SH3GL3: variants seen among roughly 807,000 people sequenced by gnomAD.
The protein encoded by SH3GL3 is SH3 domain containing GRB2 like 3, endophilin A3, also known as endophilin-A3.
In SH3GL3, 33 loss-of-function variants were observed where a neutral mutation model predicts 47.7. The ratio of observed to expected loss-of-function variants is 0.69; its 90% CI spans 0.52 to 0.92. The LOEUF (loss-of-function observed/expected upper bound fraction) is 0.92, where lower values mean the gene tolerates loss of function less well. Among genes scored for constraint, SH3GL3 ranks in the 40% least tolerant of loss-of-function variants. The probability of loss-of-function intolerance (pLI) is 0.00; values close to 1 mark genes in which losing one functional copy is unlikely to be tolerated. For synonymous variants in SH3GL3, 155 were observed against 148.8 expected, an observed-to-expected ratio of 1.04 and a Z score of -0.30; for missense variants, 363 against 417.8, an observed-to-expected ratio of 0.87 and a Z score of 1.14.
intron 1 of SH3GL3, among the ~76,000 whole-genome samples, chr15:83,510,006 C>T (rs992689027): frequency 6.6e-5 from 10 of 151,904 alleles, no homozygotes; most frequent in African/African-American, 2.4e-4. Flanking sequence ...AGATTCGAAG[C>T]GAATATATTA....
At chr15:83,465,895 T>G (rs1213389178) in intron 1 of SH3GL3, among the ~76,000 whole-genome samples, 1 of 152,168 alleles carries the variant, frequency 6.6e-6, no homozygotes, top group Non-Finnish European at 1.5e-5. Flanking sequence ...TTTATTCAGT[T>G]TCCCCCAGTG....
chr15:83,548,375 T>TA (rs2044507260), intron 1 of SH3GL3, among the ~76,000 whole-genome samples: 1 of 149,498 alleles, frequency 6.7e-6, no homozygotes. Flanking sequence ...CATTTATATA[T>TA]ATTTATATAT....
At chr15:83,590,536 G>A (rs1416825684) in intron 8 of SH3GL3, among the ~76,000 whole-genome samples, 1 of 152,172 alleles carries the variant, frequency 6.6e-6, no homozygotes, top group Admixed American at 6.5e-5. Flanking sequence ...ATCCCCACCA[G>A]CAATATATTA....
intron 1 of SH3GL3, among the ~76,000 whole-genome samples, chr15:83,532,449 T>C (rs1053389215): frequency 2.0e-5 from 3 of 152,116 alleles, no homozygotes; most frequent in Non-Finnish European, 4.4e-5. Context: ...GGGGATGATA[T>C]TTAGACTGCA....
intron 1 of SH3GL3, among the ~76,000 whole-genome samples, chr15:83,509,085 C>T (rs115127478): frequency 3.3e-4 from 50 of 152,332 alleles, no homozygotes; most frequent in African/African-American, 1.1e-3. Flanking sequence ...CATTAAGAAA[C>T]TACACATTTA....
chr15:83,491,065 G>A (rs2041852988), intron 1 of SH3GL3, among the ~76,000 whole-genome samples: 1 of 152,188 alleles, frequency 6.6e-6, no homozygotes, highest in Non-Finnish European at 1.5e-5. Flanking sequence ...AAAGACCTAA[G>A]GTCTAATGTC....
chr15:83,516,577 G>C (rs1178193855), intron 1 of SH3GL3, among the ~76,000 whole-genome samples: 2 of 152,130 alleles, frequency 1.3e-5, no homozygotes, highest in Non-Finnish European at 2.9e-5. Context: ...CACAGTGGAA[G>C]GCGAAGGAGC....
chr15:83,495,073 G>T (rs931459735), intron 1 of SH3GL3, among the ~76,000 whole-genome samples: 1 of 152,126 alleles, frequency 6.6e-6, no homozygotes, highest in Non-Finnish European at 1.5e-5. Flanking sequence ...GGGTGTATGG[G>T]GGTTCCTGGT....
At chr15:83,603,745 A>G (rs1449628688) in intron 8 of SH3GL3, among the ~76,000 whole-genome samples, 1 of 152,180 alleles carries the variant, frequency 6.6e-6, no homozygotes, top group Non-Finnish European at 1.5e-5. Flanking sequence ...TTCTGGCTTT[A>G]TTCACCTTCT....
At chr15:83,571,033 G>A (rs2045788908) in intron 4 of SH3GL3, among the ~76,000 whole-genome samples, 1 of 152,188 alleles carries the variant, frequency 6.6e-6, no homozygotes, top group Admixed American at 6.5e-5. Flanking sequence ...TGTCAGCAGG[G>A]CATCAGGAAC....
At chr15:83,577,382 CA>C (rs1228291364) in intron 6 of SH3GL3, among the ~76,000 whole-genome samples, 1 of 152,114 alleles carries the variant, frequency 6.6e-6, no homozygotes, top group Admixed American at 6.6e-5. Flanking sequence ...TTGATTGCTT[CA>C]GACATCCAGC....
At chr15:83,573,042 T>C (rs1322044119) in intron 5 of SH3GL3, among the ~76,000 whole-genome samples, 1 of 152,244 alleles carries the variant, frequency 6.6e-6, no homozygotes, top group African/African-American at 2.4e-5. Flanking sequence ...CATAGTTGCA[T>C]GTTTTGATGC....
At chr15:83,586,922 C>T (rs1473345536) in intron 6 of SH3GL3, 61 bp from the exon 7 acceptor site, 2 of 837,388 alleles carry the variant, frequency 2.4e-6, no homozygotes, top group Middle Eastern at 3.5e-4. Flanking sequence ...CTGGTCTCCT[C>T]TCTCTCTGGA....
chr15:83,494,647 ATT>A (rs2042009100), intron 1 of SH3GL3, among the ~76,000 whole-genome samples: 1 of 150,794 alleles, frequency 6.6e-6, no homozygotes, highest in Non-Finnish European at 1.5e-5. Flanking sequence ...GGTTCAAGCG[ATT>A]CTCCTGCCTC....
chr15:83,470,808 T>C (rs2040797540), intron 1 of SH3GL3, among the ~76,000 whole-genome samples: 1 of 152,130 alleles, frequency 6.6e-6, no homozygotes, highest in African/African-American at 2.4e-5. Flanking sequence ...ACTGCAGTTG[T>C]CGTGGCTGTT....
chr15:83,447,616 G>C lies in SH3GL3; in HGVS notation c.45+38G>C, dbSNP rs1217113115. On this transcript the variant is annotated intron_variant, in intron 1 of 8. Coordinates refer to ENST00000427482, the MANE Select transcript of SH3GL3 (RefSeq NM_003027.5). This position sits in a 1 kb window ranked among gnomAD's most constrained non-coding sequence, Gnocchi z 5.1. ...AGAGGAGGGAAGGAGGGAGGGGGACGCGGAGGCTGCGGCCCCCCGAGGCTC... is the reference window on the plus strand; with the variant it reads ...AGAGGAGGGAAGGAGGGAGGGGGACCCGGAGGCTGCGGCCCCCCGAGGCTC... 17 of 1,406,726 alleles carry C rather than the reference G, an allele frequency of 1.2e-5. No homozygotes were observed. Among genetic ancestry groups the C allele is most frequent in the African/African-American group, 3.0e-5 (2 of 67,134 alleles). The allele number at this position is 1,406,726 out of a possible 1,614,324, so 87.1% of individuals were successfully genotyped here.
chr15:83,468,062 C>A (rs1307045170), intron 1 of SH3GL3, among the ~76,000 whole-genome samples: 1 of 152,158 alleles, frequency 6.6e-6, no homozygotes, highest in Non-Finnish European at 1.5e-5. Context: ...GATCTCCTGA[C>A]CTTGTGATCT....
intron 5 of SH3GL3, among the ~76,000 whole-genome samples, chr15:83,576,081 G>A (rs781721248): frequency 6.6e-6 from 1 of 152,214 alleles, no homozygotes; most frequent in East Asian, 1.9e-4. Flanking sequence ...AGCGTTTTAC[G>A]CAACTTATTT....
At chr15:83,574,901 G>A (rs552349629) in intron 5 of SH3GL3, among the ~76,000 whole-genome samples, 22 of 152,294 alleles carry the variant, frequency 1.4e-4, no homozygotes, top group African/African-American at 4.6e-4. Flanking sequence ...GCTAGACTTC[G>A]TGGGGTATCC....
Sources: gnomAD v4.1 joint callset for allele counts (sites outside exome capture counted in the v4.1 genomes callset) on GRCh38, gnomAD v4.1.1 for gene constraint, Gnocchi (gnomAD v3.1) non-coding constraint, MANE v1.5 for transcripts, NCBI Gene and HGNC (gene_info 2026-07-23, HGNC 2026-07-21) for gene names.